The following RNF144A variants were observed in gnomAD, a reference collection of about 807,000 sequenced individuals.
RNF144A encodes E3 ubiquitin-protein ligase RNF144A.
A neutral mutation model predicts 38.7 loss-of-function variants in RNF144A; 11 were observed. The observed-to-expected ratio is 0.28, with a 90% CI of 0.18 to 0.47. The LOEUF (loss-of-function observed/expected upper bound fraction) is 0.47, where lower values mean the gene tolerates loss of function less well. Ranked by LOEUF, RNF144A falls within the 20% of genes least tolerant of loss-of-function variation. The probability of loss-of-function intolerance (pLI) is 0.99; values close to 1 mark genes in which losing one functional copy is unlikely to be tolerated. For missense variants in RNF144A, 316 were observed against 377.2 expected, an observed-to-expected ratio of 0.84 and a Z score of 1.34; for synonymous variants, 149 against 143.9, an observed-to-expected ratio of 1.04 and a Z score of -0.25.
At chr2:7,009,471 G>A (rs888307880) in intron 3 of RNF144A, among the ~76,000 whole-genome samples, 1 of 151,710 alleles carries the variant, frequency 6.6e-6, no homozygotes, top group Non-Finnish European at 1.5e-5. Flanking sequence ...CTAAAGGCTC[G>A]ACAGAAGCAA....
At chr2:6,965,008 C>T (rs1667570501) in intron 2 of RNF144A, among the ~76,000 whole-genome samples, 2 of 152,136 alleles carry the variant, frequency 1.3e-5, no homozygotes, top group African/African-American at 2.4e-5. Context: ...TGGGTTTGCA[C>T]TCAACACAGT....
At chr2:7,016,780 C>G (rs775179855) in intron 5 of RNF144A, among the ~76,000 whole-genome samples, 26 of 151,976 alleles carry the variant, frequency 1.7e-4, no homozygotes, top group Non-Finnish European at 3.1e-4. Flanking sequence ...GCTCTAAAAT[C>G]TAGTCAAGTA....
chr2:6,922,288 G>A (rs571895444), intron 1 of RNF144A, among the ~76,000 whole-genome samples: 93 of 152,196 alleles, frequency 6.1e-4, no homozygotes, highest in African/African-American at 2.1e-3. Context: ...GGATATGGCC[G>A]TGCAGGCTCT....
rs1232744573 is a variant in RNF144A at position 6,938,814 on chromosome 2, G to A, written c.-211-2134G>A. Among the ~76,000 whole-genome samples, 5 of 152,282 alleles carry A rather than the reference G, an allele frequency of 3.3e-5. No individual in the cohort carries two copies. In the East Asian group the frequency reaches 9.7e-4, roughly 29 times the overall value. On this transcript the variant is annotated intron_variant, in intron 1 of 8. Transcript: ENST00000320892. ...GATTTCTGTTCTCGACCTTGCATGT[G>A]AGTGGTTTCATATAATATATGTCCT...
Position 7,043,066 on chromosome 2 carries a change from C to G in RNF144A, c.*3306C>G, listed in dbSNP as rs1224663682. On this transcript the variant is annotated 3_prime_UTR_variant, in exon 9 of 9. Coordinates refer to ENST00000320892, the MANE Select transcript of RNF144A (RefSeq NM_014746.6). ...TATTTTCAGTAGAGACGGGGTTTCACCATGTTGGCCAGGCTACTCTCAAAC... is the reference window on the plus strand; with the variant it reads ...TATTTTCAGTAGAGACGGGGTTTCAGCATGTTGGCCAGGCTACTCTCAAAC... The G allele has an allele frequency of 1.8e-6, 1 of 555,176 alleles. No homozygotes were observed. The highest frequency in any genetic ancestry group is 6.4e-5 in the Admixed American group (1 of 15,710). The allele number at this position is 555,176 out of a possible 1,614,324, so 34.4% of individuals were successfully genotyped here. A position where few individuals can be genotyped will look rare whatever the true frequency, so the allele number is the denominator to read the frequency against.
In RNF144A at chr2:7,020,480, G is replaced by C. The variant is rs750483083; in HGVS notation, c.309G>C (p.Leu103=). 2 of 1,613,612 alleles carry C rather than the reference G, an allele frequency of 1.2e-6. No homozygotes were observed. Among genetic ancestry groups the C allele is most frequent in the African/African-American group, 2.7e-5 (2 of 74,922 alleles). Residue 103 remains leucine, a synonymous_variant, in exon 6 of 9, where the codon CTG becomes CTC. Transcript: ENST00000320892. ...YKKLQFEREV[L]FDPCRTWCPA... ...TTTGTCTCACTGTACCAGAGGTGCT[G>C]TTTGATCCCTGTCGGACTTGGTGCC...
chr2:6,979,534 C>CT (rs375582955), intron 2 of RNF144A, among the ~76,000 whole-genome samples: 445 of 146,378 alleles, frequency 3.0e-3, no homozygotes, highest in African/African-American at 8.3e-3. Context: ...AAATCATTAG[C>CT]TTTTTTTTTT....
intron 1 of RNF144A, chr2:6,932,965 G>C (rs1211452407): frequency 1.3e-5 from 2 of 152,196 alleles, no homozygotes; most frequent in Admixed American, 1.3e-4. Flanking sequence ...ATTAGTATAC[G>C]ATGCATGCAA....
In RNF144A at chr2:6,936,636, C is replaced by A. The variant is rs112615697; in HGVS notation, c.-211-4312C>A. 2.2e-4 allele frequency among the ~76,000 whole-genome samples: 33 copies of A among 152,256 alleles called. 1 individual carries two copies. Among genetic ancestry groups the A allele is most frequent in the African/African-American group, 7.0e-4 (29 of 41,552 alleles). ...AAGAAAGAAATGAATAAAATAATGTCTTTAATGTATGTTTTTGCATCAGGT... is the reference window on the plus strand; with the variant it reads ...AAGAAAGAAATGAATAAAATAATGTATTTAATGTATGTTTTTGCATCAGGT... On this transcript the variant is annotated intron_variant, in intron 1 of 8. Transcript: ENST00000320892.
At chr2:6,990,369 A>G (rs1669252120) in intron 2 of RNF144A, among the ~76,000 whole-genome samples, 1 of 145,404 alleles carries the variant, frequency 6.9e-6, no homozygotes, top group South Asian at 2.2e-4. Context: ...ATTCCTTCCT[A>G]AAGACTATAT....
chr2:7,004,916 A>T (rs1319237557), intron 3 of RNF144A, among the ~76,000 whole-genome samples: 1 of 152,240 alleles, frequency 6.6e-6, no homozygotes, highest in Non-Finnish European at 1.5e-5. Context: ...GCCCTCCAAA[A>T]AAAATGTTGA....
In RNF144A at chr2:6,944,966, A is replaced by C. The variant is rs1006539802; in HGVS notation, c.-12+3819A>C. Among the ~76,000 whole-genome samples the C allele has an allele frequency of 6.6e-6, 1 of 152,248 alleles. No individual in the cohort carries two copies. Among genetic ancestry groups the C allele is most frequent in the Non-Finnish European group, 1.5e-5 (1 of 68,042 alleles). ...AGCAGCCTCAATCCAGCCTTCAATG[A>C]TTGAAGTAGCTAATTTTGAAATACA... On this transcript the variant is annotated intron_variant, in intron 2 of 8. Coordinates refer to ENST00000320892, the MANE Select transcript of RNF144A (RefSeq NM_014746.6). This position sits in a 1 kb window ranked among gnomAD's most constrained non-coding sequence, Gnocchi z 4.7.
chr2:7,033,508 C>T (rs1247467225), intron 8 of RNF144A, among the ~76,000 whole-genome samples: 1 of 152,232 alleles, frequency 6.6e-6, no homozygotes, highest in African/African-American at 2.4e-5. Context: ...AGCGCCCGTG[C>T]TTTCCCTGCC....
At chr2:7,039,526 G>A in intron 8 of RNF144A, 103 bp from the exon 9 acceptor site, 3 of 1,535,698 alleles carry the variant, frequency 2.0e-6, no homozygotes, top group Non-Finnish European at 2.6e-6. Flanking sequence ...TTGGGTGGAT[G>A]GATGGATGGA....
At chr2:7,005,633 C>T (rs887544654) in intron 3 of RNF144A, among the ~76,000 whole-genome samples, 4 of 152,226 alleles carry the variant, frequency 2.6e-5, no homozygotes, top group African/African-American at 9.6e-5. Context: ...AGCTTCCTGA[C>T]CTCCTTTGTC....
chr2:6,970,167 T>C (rs1056264851), intron 2 of RNF144A, among the ~76,000 whole-genome samples: 1 of 152,218 alleles, frequency 6.6e-6, no homozygotes, highest in Non-Finnish European at 1.5e-5. Flanking sequence ...TGGCTTTGTG[T>C]CCTCACCCAA....
chr2:6,988,851 C>T (rs962203478), intron 2 of RNF144A, among the ~76,000 whole-genome samples: 6 of 152,130 alleles, frequency 3.9e-5, no homozygotes, highest in African/African-American at 1.4e-4. Flanking sequence ...TCTTTTCCCT[C>T]ATTTATTTAT....
At chr2:6,939,976 AT>A (rs1665863850) in intron 1 of RNF144A, among the ~76,000 whole-genome samples, 1 of 152,186 alleles carries the variant, frequency 6.6e-6, no homozygotes, top group Non-Finnish European at 1.5e-5. Flanking sequence ...AAGTTTTGAC[AT>A]TAAGAAGTGT....
At chr2:6,920,995 A>G (rs1228864589) in intron 1 of RNF144A, among the ~76,000 whole-genome samples, 1 of 152,218 alleles carries the variant, frequency 6.6e-6, no homozygotes, top group Non-Finnish European at 1.5e-5. Context: ...ATAAAAATGT[A>G]CTGTTGGATC....
Sources: gnomAD v4.1 joint callset for allele counts (sites outside exome capture counted in the v4.1 genomes callset) on GRCh38, gnomAD v4.1.1 for gene constraint, Gnocchi (gnomAD v3.1) non-coding constraint, MANE v1.5 for transcripts, NCBI Gene and HGNC (gene_info 2026-07-23, HGNC 2026-07-21) for gene names.